PTPRT: variants seen among roughly 807,000 people sequenced by gnomAD.
The protein encoded by PTPRT is protein tyrosine phosphatase receptor type T, also known as receptor-type tyrosine-protein phosphatase T.
In PTPRT, 56 loss-of-function variants were observed where a neutral mutation model predicts 176.8. The ratio of observed to expected loss-of-function variants is 0.32; its 90% confidence interval spans 0.26 to 0.40. The LOEUF (loss-of-function observed/expected upper bound fraction) is 0.40, where lower values mean the gene tolerates loss of function less well. Among genes scored for constraint, PTPRT ranks in the 10% least tolerant of loss-of-function variants. The probability of loss-of-function intolerance (pLI) is 1.00; values close to 1 mark genes in which losing one functional copy is unlikely to be tolerated. For missense variants in PTPRT, 1,540 were observed against 1,908.2 expected (o/e 0.81, Z 3.60); for synonymous variants, 783 against 739.0 (o/e 1.06, Z -0.96).
At chr20:42,641,968 A>G (rs1288384422) in intron 7 of PTPRT, among the ~76,000 whole-genome samples, 1 of 152,172 alleles carries the variant, frequency 6.6e-6, no homozygotes, top group Non-Finnish European at 1.5e-5. Context: ...ACAGGCTAAC[A>G]TGGAGCTGAG....
At chr20:42,859,885 C>A (rs767572233) in intron 2 of PTPRT, among the ~76,000 whole-genome samples, 2 of 151,984 alleles carry the variant, frequency 1.3e-5, no homozygotes, top group Non-Finnish European at 2.9e-5. Flanking sequence ...AGCCACCGTG[C>A]CCAGCCAGTT....
chr20:42,814,415 T>C (rs1026664777), intron 2 of PTPRT, among the ~76,000 whole-genome samples: 1 of 152,198 alleles, frequency 6.6e-6, no homozygotes, highest in East Asian at 1.9e-4. Context: ...ACTCATGAAT[T>C]TTTTTAGAAG....
At chr20:42,611,877 T>C (rs2073981583) in intron 7 of PTPRT, among the ~76,000 whole-genome samples, 1 of 152,164 alleles carries the variant, frequency 6.6e-6, no homozygotes, top group African/African-American at 2.4e-5. Context: ...CACCCACCTC[T>C]TGGAGCACAT....
chr20:42,256,485 C>T (rs1275503552), intron 13 of PTPRT, among the ~76,000 whole-genome samples: 1 of 144,622 alleles, frequency 6.9e-6, no homozygotes, highest in African/African-American at 2.5e-5. Context: ...AATGCTGTTG[C>T]TGACTTTTTT....
chr20:42,225,811 C>T (rs568707323), intron 15 of PTPRT, among the ~76,000 whole-genome samples: 1 of 152,264 alleles, frequency 6.6e-6, no homozygotes, highest in East Asian at 1.9e-4. Flanking sequence ...CACCACCCCA[C>T]CAGGCTAATT....
chr20:42,506,932 G>A (rs1478722431), intron 7 of PTPRT, among the ~76,000 whole-genome samples: 2 of 152,028 alleles, frequency 1.3e-5, no homozygotes, highest in Non-Finnish European at 1.5e-5. Context: ...CTGGATCCTA[G>A]GATCTGACCA....
At chr20:42,681,611 G>T (rs1355497258) in intron 6 of PTPRT, among the ~76,000 whole-genome samples, 2 of 152,178 alleles carry the variant, frequency 1.3e-5, no homozygotes, top group African/African-American at 2.4e-5. Flanking sequence ...TTCTATGAAT[G>T]TTGAGTCCCT....
rs775395252 is a variant in PTPRT, at chr20:42,119,922, G to T, written c.2884+13C>A. 7 of 1,606,642 alleles carry T rather than the reference G, an allele frequency of 4.4e-6. No homozygotes were observed. The highest frequency in any genetic ancestry group is 6.0e-6 in the Non-Finnish European group (7 of 1,175,998). On this transcript the variant is annotated intron_variant, in intron 20 of 30. Coordinates refer to ENST00000373187, the MANE Select transcript of PTPRT (RefSeq NM_007050.6). ...AGCCTCTCTGAGGCACTAGGTGGAG[G>T]GAGGGCACTTACCTTGAGTCGCAAT...
At chr20:42,086,751 A>ATATATATATATATATATATAT (rs58059394) in intron 27 of PTPRT, among the ~76,000 whole-genome samples, 3 of 96,564 alleles carry the variant, frequency 3.1e-5, no homozygotes, top group African/African-American at 4.9e-5. Flanking sequence ...AAAAAAAAAA[A>ATATATATATATATATATATAT]AAATATATAT....
intron 7 of PTPRT, among the ~76,000 whole-genome samples, chr20:42,551,533 T>G (rs2145615895): frequency 6.6e-6 from 1 of 152,298 alleles, no homozygotes; most frequent in South Asian, 2.1e-4. Context: ...CTAAGTGCAT[T>G]TTCCCTCTAT....
intron 1 of PTPRT, among the ~76,000 whole-genome samples, chr20:43,003,416 G>A (rs746773066): frequency 1.3e-5 from 2 of 152,100 alleles, no homozygotes; most frequent in Non-Finnish European, 2.9e-5. Flanking sequence ...TCCCCAGGCT[G>A]GTCTCTAACT....
intron 3 of PTPRT, among the ~76,000 whole-genome samples, chr20:42,786,414 G>A (rs933667501): frequency 6.6e-6 from 1 of 152,190 alleles, no homozygotes; most frequent in East Asian, 1.9e-4. Flanking sequence ...TTCTCAGAAA[G>A]TGCAAGCTAT....
At chr20:42,897,075 C>G (rs1045800917) in intron 1 of PTPRT, among the ~76,000 whole-genome samples, 1 of 152,102 alleles carries the variant, frequency 6.6e-6, no homozygotes, top group Non-Finnish European at 1.5e-5. Context: ...AATGGCAGGG[C>G]ACGTTCCAAT....
intron 9 of PTPRT, among the ~76,000 whole-genome samples, chr20:42,401,146 AATAAATAAAT>A (rs1392353200): frequency 1.5e-4 from 22 of 147,474 alleles, no homozygotes; most frequent in African/African-American, 5.9e-4. Context: ...TAAATAAATA[AATAAATAAAT>A]AAATAAATAA....
At chr20:42,523,208 T>C (rs1478183905) in intron 7 of PTPRT, among the ~76,000 whole-genome samples, 1 of 152,224 alleles carries the variant, frequency 6.6e-6, no homozygotes, top group Non-Finnish European at 1.5e-5. Flanking sequence ...GTTAGTTATG[T>C]GTGACTCTGA....
At chr20:42,787,616 C>T (rs748507080) in intron 3 of PTPRT, among the ~76,000 whole-genome samples, 1 of 152,214 alleles carries the variant, frequency 6.6e-6, no homozygotes, top group Non-Finnish European at 1.5e-5. Flanking sequence ...ACTGGGTATT[C>T]TTCCCAGAAT....
At chr20:42,673,247 C>T (rs1219532524) in intron 7 of PTPRT, among the ~76,000 whole-genome samples, 1 of 152,196 alleles carries the variant, frequency 6.6e-6, no homozygotes, top group Non-Finnish European at 1.5e-5. Flanking sequence ...CTCAGAGCTG[C>T]TGCAAAGACC....
chr20:42,514,034 T>C (rs1601167219), intron 7 of PTPRT, among the ~76,000 whole-genome samples: 2 of 152,202 alleles, frequency 1.3e-5, no homozygotes, highest in South Asian at 4.1e-4. Flanking sequence ...TCATTTTTTC[T>C]ATGATGGTCC....
intron 23 of PTPRT, among the ~76,000 whole-genome samples, chr20:42,108,582 T>TATTA (rs1039986140): frequency 3.3e-5 from 5 of 152,336 alleles, no homozygotes; most frequent in South Asian, 4.1e-4. Context: ...AAATTATTAC[T>TATTA]ATTATATTCA....
Sources: allele counts gnomAD v4.1 joint callset (sites outside exome capture counted in the v4.1 genomes callset), GRCh38; gene constraint gnomAD v4.1.1; transcripts MANE v1.5; gene names NCBI Gene and HGNC (gene_info 2026-07-23, HGNC 2026-07-21).